The following CA10 variants were observed in gnomAD, a reference collection of about 807,000 sequenced individuals.
CA10 encodes the protein carbonic anhydrase 10 (inactive).
CA10 carries 14 observed loss-of-function variants against 44.2 expected under a neutral mutation model. That is an observed-to-expected ratio of 0.32 (90% CI 0.21 to 0.50). CA10 has a LOEUF of 0.50. Among genes scored for constraint, CA10 ranks in the 20% least tolerant of loss-of-function variants. The probability of loss-of-function intolerance (pLI) is 0.99; values close to 1 mark genes in which losing one functional copy is unlikely to be tolerated. For missense variants in CA10, 350 were observed against 409.7 expected, an observed-to-expected ratio of 0.85 and a Z score of 1.26; for synonymous variants, 159 against 141.6, an observed-to-expected ratio of 1.12 and a Z score of -0.87.
intron 3 of CA10, among the ~76,000 whole-genome samples, chr17:51,915,721 T>C (rs1185463298): frequency 1.3e-5 from 2 of 152,184 alleles, no homozygotes; most frequent in South Asian, 2.1e-4. Flanking sequence ...ACAGATGACA[T>C]TGATGTCTTA....
intron 4 of CA10, among the ~76,000 whole-genome samples, chr17:51,728,021 G>C (rs1916587576): frequency 6.6e-6 from 1 of 152,062 alleles, no homozygotes; most frequent in Admixed American, 6.6e-5. Context: ...GAGTAGCTGA[G>C]ACTACAGGTG....
In CA10 at chr17:51,795,301, G is replaced by A. The variant is rs148413338; in HGVS notation, c.280-47483C>T. On this transcript the variant is annotated intron_variant, in intron 3 of 8. Coordinates refer to ENST00000451037, the MANE Select transcript of CA10 (RefSeq NM_020178.5). The stretch of plus-strand genomic sequence containing the variant: ...GATAAAACAGTGAGGACCAACATTC[G>A]AAATGATGGCAGCAAGGCCCCAGGA... Among the ~76,000 whole-genome samples the A allele has an allele frequency of 2.2e-4, 33 of 152,276 alleles. No individual in the cohort carries two copies. In the East Asian group the frequency reaches 3.7e-3, roughly 17 times the overall value.
At chr17:52,019,091 A>ATGCTT (rs1292765913) in intron 2 of CA10, among the ~76,000 whole-genome samples, 2 of 152,120 alleles carry the variant, frequency 1.3e-5, no homozygotes, top group Non-Finnish European at 2.9e-5. Context: ...TTCTAATGCC[A>ATGCTT]TGCTTCCTGT....
chr17:51,870,102 A>T (rs1203201605), intron 3 of CA10, among the ~76,000 whole-genome samples: 1 of 152,256 alleles, frequency 6.6e-6, no homozygotes, highest in Non-Finnish European at 1.5e-5. Flanking sequence ...TCTGACATAC[A>T]GTTATGATAC....
At chr17:52,079,511 C>T (rs913820008) in intron 1 of CA10, among the ~76,000 whole-genome samples, 23 of 151,810 alleles carry the variant, frequency 1.5e-4, no homozygotes, top group African/African-American at 5.3e-4. Context: ...ATAATAAGTG[C>T]CAGAAAAATA....
intron 4 of CA10, among the ~76,000 whole-genome samples, chr17:51,676,232 T>C (rs187847244): frequency 1.3e-5 from 2 of 152,230 alleles, no homozygotes; most frequent in African/African-American, 4.8e-5. Flanking sequence ...AGTTGAGCAC[T>C]TATGTGTGCC....
intron 2 of CA10, among the ~76,000 whole-genome samples, chr17:51,962,491 G>A (rs1291506330): frequency 6.6e-6 from 1 of 152,130 alleles, no homozygotes; most frequent in Non-Finnish European, 1.5e-5. Flanking sequence ...CATTGCTAGA[G>A]GTAGAAGCTA....
At chr17:52,149,908 A>C (rs1249412131) in intron 1 of CA10, among the ~76,000 whole-genome samples, 1 of 152,196 alleles carries the variant, frequency 6.6e-6, no homozygotes, top group Non-Finnish European at 1.5e-5. Flanking sequence ...CAAACTGCAT[A>C]CTTCCTTGGG....
chr17:52,155,096 G>A (rs2143423202), intron 1 of CA10, among the ~76,000 whole-genome samples: 1 of 152,302 alleles, frequency 6.6e-6, no homozygotes, highest in Non-Finnish European at 1.5e-5. Context: ...TTTTCCTTCT[G>A]TAAAGTGTTT....
chr17:51,910,815 AT>A (rs889620633), intron 3 of CA10, among the ~76,000 whole-genome samples: 4 of 152,188 alleles, frequency 2.6e-5, no homozygotes, highest in Non-Finnish European at 5.9e-5. Context: ...GCCAACAGCA[AT>A]TCCCCCAAAC....
chr17:51,664,074 T>C (rs1914118578), intron 4 of CA10, among the ~76,000 whole-genome samples: 1 of 152,224 alleles, frequency 6.6e-6, no homozygotes, highest in East Asian at 1.9e-4. Flanking sequence ...GGCATTTTTG[T>C]TAAATATTAA....
chr17:51,902,501 G>T (rs7218104), intron 3 of CA10, among the ~76,000 whole-genome samples: 4 of 152,008 alleles, frequency 2.6e-5, no homozygotes, highest in African/African-American at 7.3e-5. Context: ...AAAATGAGGG[G>T]CAGTGAGCAT....
At chr17:51,783,744 C>T (rs1252737716) in intron 3 of CA10, among the ~76,000 whole-genome samples, 1 of 152,134 alleles carries the variant, frequency 6.6e-6, no homozygotes, top group Non-Finnish European at 1.5e-5. Flanking sequence ...AGAGTCAGTT[C>T]TTTCTCAGAT....
chr17:51,724,968 G>T (rs1170219963), intron 4 of CA10, among the ~76,000 whole-genome samples: 1 of 152,332 alleles, frequency 6.6e-6, no homozygotes, highest in South Asian at 2.1e-4. Context: ...AGCTCTGGTA[G>T]GAGCAGTTTT....
At chr17:52,067,004 T>C (rs973160120) in intron 2 of CA10, among the ~76,000 whole-genome samples, 1 of 152,220 alleles carries the variant, frequency 6.6e-6, no homozygotes, top group African/African-American at 2.4e-5. Flanking sequence ...GTTTGGAAAG[T>C]TTGCAGCCTG....
chr17:52,107,395 C>T (rs1367412094), intron 1 of CA10, among the ~76,000 whole-genome samples: 5 of 152,054 alleles, frequency 3.3e-5, no homozygotes, highest in Non-Finnish European at 7.4e-5. Flanking sequence ...AAGATAATTC[C>T]TCTTAAAACC....
intron 3 of CA10, among the ~76,000 whole-genome samples, chr17:51,874,831 C>G (rs1979980643): frequency 6.6e-6 from 1 of 152,142 alleles, no homozygotes; most frequent in Non-Finnish European, 1.5e-5. Context: ...CTGTTTTACC[C>G]AAGGCTATTG....
chr17:51,872,042 T>C (rs908568611), intron 3 of CA10, among the ~76,000 whole-genome samples: 1 of 152,142 alleles, frequency 6.6e-6, no homozygotes, highest in African/African-American at 2.4e-5. Flanking sequence ...GACTGAGGAA[T>C]AGGATTTTTT....
chr17:51,641,920 A>G (rs1913104240), intron 6 of CA10, among the ~76,000 whole-genome samples: 1 of 152,150 alleles, frequency 6.6e-6, no homozygotes, highest in Admixed American at 6.5e-5. Context: ...AACTATTCCA[A>G]TGAGAACAAG....
Sources: allele counts gnomAD v4.1 joint callset (sites outside exome capture counted in the v4.1 genomes callset), GRCh38; gene constraint gnomAD v4.1.1; transcripts MANE v1.5; gene names NCBI Gene and HGNC (gene_info 2026-07-23, HGNC 2026-07-21).